UPF3B: variants seen among roughly 807,000 people sequenced by gnomAD.
The protein encoded by UPF3B is UPF3B regulator of nonsense mediated mRNA decay, also known as regulator of nonsense transcripts 3B.
Under a neutral mutation model 40.3 loss-of-function variants are expected in UPF3B, and 7 were observed. The observed-to-expected ratio is 0.17, with a 90% CI of 0.10 to 0.33. UPF3B has a LOEUF of 0.33. UPF3B is among the 10% of genes least tolerant of loss of function. The pLI is 1.00. For synonymous variants in UPF3B, 117 were observed against 117.3 expected, an observed-to-expected ratio of 1.00 and a Z score of 0.01; for missense variants, 229 against 358.9, an observed-to-expected ratio of 0.64 and a Z score of 2.93.
At chrX:119,833,050 T>C (rs1312782466), downstream of UPF3B, among the ~76,000 whole-genome samples, 2 of 110,814 alleles carry the variant, frequency 1.8e-5, no homozygotes, top group African/African-American at 6.6e-5. Context: ...ACCCTTTCAA[T>C]TTTTCCTGCC....
rs2056116640 is a variant in UPF3B at position 119,837,864 on chromosome X, T to A, written c.1195A>T (p.Thr399Ser). 4.1e-6 allele frequency: 5 copies of A among 1,210,868 alleles called. No individual in the cohort carries two copies. The African/African-American group carries it at 6.9e-5, about 17-fold the overall frequency. Reference sequence around the variant, plus strand: ...GCCTTCTTTCCTTTATCCCGAAGTGTGTCTTTCTCTTTTTTCATTTCTTCT... The same window carrying A: ...GCCTTCTTTCCTTTATCCCGAAGTGAGTCTTTCTCTTTTTTCATTTCTTCT... ...KEEEMKKEKD[T>S]LRDKGKKAES... Residue 399 changes from threonine to serine, a missense_variant, in exon 10 of 11, where the codon ACA (threonine) becomes TCA (serine). Thr to Ser is a moderately conservative substitution (Grantham distance 58, BLOSUM62 1). Transcript: ENST00000276201.
rs769285530 is a variant in UPF3B, at chrX:119,851,889, A to C, written c.157-16T>G. 34 of 1,078,416 alleles carry C rather than the reference A, an allele frequency of 3.2e-5. No individual in the cohort carries two copies. The Admixed American group carries it at 7.5e-4, about 24-fold the overall frequency. 88.9% of individuals were successfully genotyped at this position (1,078,416 alleles called of 1,213,427 possible). A position where few individuals can be genotyped will look rare whatever the true frequency, so the allele number is the denominator to read the frequency against. On this transcript the variant is annotated splice_polypyrimidine_tract_variant and intron_variant, in intron 1 of 10. Coordinates refer to ENST00000276201, the MANE Select transcript of UPF3B (RefSeq NM_080632.3). ...GAATTACCACCTTAAGAAATGCATA[A>C]GGAAAATAAAATTAGTACAAATCAG...
intron 4 of UPF3B, among the ~76,000 whole-genome samples, chrX:119,818,974 G>T (rs767369084): frequency 9.1e-6 from 1 of 110,390 alleles, no homozygotes; most frequent in Non-Finnish European, 1.9e-5. Context: ...AAGAGCAAAG[G>T]TCATGGCAAT....
In UPF3B at chrX:119,852,762, C is replaced by T. The variant is rs752522611; in HGVS notation, c.156+11G>A. 8.2e-7 allele frequency: 1 copy of T among 1,212,423 alleles called. No homozygotes were observed. Among genetic ancestry groups the T allele is most frequent in the South Asian group, 1.8e-5 (1 of 57,058 alleles). On this transcript the variant is annotated intron_variant, in intron 1 of 10. Coordinates refer to ENST00000276201, the MANE Select transcript of UPF3B (RefSeq NM_080632.3). ...TCCCGCCCTCTCCCGGGCCAGCGGC[C>T]GACCGGGCACCTTGCTCAGCGCTTC...
chrX:119,807,449 TC>T (rs2055802028), intron 6 of UPF3B: 1 of 399,652 alleles, frequency 2.5e-6, no homozygotes, highest in East Asian at 8.5e-5. Flanking sequence ...CCTTCCTCCT[TC>T]TTTTCTATGG....
intron 3 of UPF3B, among the ~76,000 whole-genome samples, chrX:119,825,013 G>A (rs185195522): frequency 3.3e-4 from 36 of 110,384 alleles, no homozygotes; most frequent in African/African-American, 1.1e-3. Context: ...GTGATCCACC[G>A]GCCTTGGCTT....
At chrX:119,851,907 C>G in intron 1 of UPF3B, 34 bp from the exon 2 acceptor site, 1 of 996,285 alleles carries the variant, frequency 1.0e-6, no homozygotes, top group Non-Finnish European at 1.4e-6. Flanking sequence ...AAAATTAGTA[C>G]AAATCAGTTT....
intron 3 of UPF3B, among the ~76,000 whole-genome samples, chrX:119,823,717 C>T (rs2055949488): frequency 9.1e-6 from 1 of 109,724 alleles, no homozygotes; most frequent in Non-Finnish European, 1.9e-5. Context: ...GCATGCGCCA[C>T]CATGCCCGGC....
chrX:119,831,212 T>C (rs1227542767), downstream of UPF3B, among the ~76,000 whole-genome samples: 1 of 111,695 alleles, frequency 9.0e-6, no homozygotes, highest in East Asian at 2.8e-4. Context: ...CCCTTTCTAT[T>C]CTTTTGCCCT....
chrX:119,841,582 C>T (rs2056161737), intron 6 of UPF3B, among the ~76,000 whole-genome samples, 153 bp downstream of exon 6: 1 of 112,009 alleles, frequency 8.9e-6, no homozygotes, highest in Admixed American at 9.6e-5. Context: ...AAGGAGCAGG[C>T]TAGAGAGTGA....
chrX:119,828,122 T>C (rs1354683074), intron 3 of UPF3B, among the ~76,000 whole-genome samples: 1 of 110,454 alleles, frequency 9.1e-6, no homozygotes, highest in Non-Finnish European at 1.9e-5. Flanking sequence ...GGCTCAATAT[T>C]GGTTCACTGC....
At position 119,852,823 on chromosome X, in the gene UPF3B, C is replaced by T; in HGVS notation, c.106G>A (p.Gly36Arg). 2.5e-6 allele frequency: 3 copies of T among 1,212,475 alleles called. No individual in the cohort carries two copies. Among genetic ancestry groups the T allele is most frequent in the Non-Finnish European group, 3.3e-6 (3 of 895,683 alleles). ...GGGTSGDSSK[G>R]EDKQDRNKEK... Reference sequence around the variant, plus strand: ...TTGTTGCGATCCTGCTTATCTTCCCCCTTGGAGCTGTCCCCCGAGGTCCCA... The same window carrying T: ...TTGTTGCGATCCTGCTTATCTTCCCTCTTGGAGCTGTCCCCCGAGGTCCCA... Residue 36 changes from glycine (G) to arginine (R), a missense_variant, in exon 1 of 11, where the codon GGG becomes AGG. Physicochemically the swap from Gly to Arg is moderately radical, Grantham distance 125. Coordinates refer to ENST00000276201, the MANE Select transcript of UPF3B (RefSeq NM_080632.3).
chrX:119,841,686 A>C lies in UPF3B; in HGVS notation c.624+49T>G, dbSNP rs200230017. 3.6e-5 allele frequency: 40 copies of C among 1,113,615 alleles called. No homozygotes were observed. The African/African-American group carries it at 6.9e-4, about 19-fold the overall frequency. 91.8% of individuals were successfully genotyped at this position (1,113,615 alleles called of 1,213,427 possible). ...GCTCTTAAAATGTTTATAGAATGCA[A>C]AGCAAAGAAATTAAAGTATTGAGAG... On this transcript the variant is annotated intron_variant, in intron 6 of 10. Transcript: ENST00000276201.
intron 3 of UPF3B, among the ~76,000 whole-genome samples, chrX:119,848,864 G>T (rs1382102833): frequency 9.0e-6 from 1 of 111,488 alleles, no homozygotes; most frequent in Non-Finnish European, 1.9e-5. Flanking sequence ...GTTTCTTTTT[G>T]GAGGGATGAA....
intron 3 of UPF3B, among the ~76,000 whole-genome samples, chrX:119,823,557 T>A (rs1175427054): frequency 3.7e-5 from 3 of 80,223 alleles, no homozygotes; most frequent in African/African-American, 1.8e-4. Context: ...CTTTTTTTCC[T>A]CTTTTTTTTT....
intron 3 of UPF3B, among the ~76,000 whole-genome samples, chrX:119,823,317 T>G (rs759306778): frequency 2.6e-4 from 29 of 111,385 alleles, no homozygotes; most frequent in Admixed American, 1.8e-3. Context: ...GCAAGTGGCA[T>G]GATCCAGCTT....
At chrX:119,817,822 G>A (rs780290736) in intron 4 of UPF3B, among the ~76,000 whole-genome samples, 1 of 112,024 alleles carries the variant, frequency 8.9e-6, no homozygotes, top group African/African-American at 3.2e-5. Flanking sequence ...TTGGGTGGAA[G>A]AACGGTAAAA....
At chrX:119,850,150 T>C (rs745336556) in intron 3 of UPF3B, among the ~76,000 whole-genome samples, 25 of 109,826 alleles carry the variant, frequency 2.3e-4, no homozygotes, top group Non-Finnish European at 1.5e-4. Flanking sequence ...TTAAAGAAAA[T>C]TAGCCAGGCA....
chrX:119,824,764 C>CTTTTTTTT (rs11351287), intron 3 of UPF3B, among the ~76,000 whole-genome samples: 5 of 65,644 alleles, frequency 7.6e-5, no homozygotes, highest in African/African-American at 1.3e-4. Flanking sequence ...CCATTTCTTT[C>CTTTTTTTT]TTTTTTTTTT....
Sources: allele counts gnomAD v4.1 joint callset (sites outside exome capture counted in the v4.1 genomes callset), GRCh38; gene constraint gnomAD v4.1.1; transcripts MANE v1.5; gene names NCBI Gene and HGNC (gene_info 2026-07-23, HGNC 2026-07-21).